The following MYLK variants were observed in gnomAD, a reference collection of about 807,000 sequenced individuals.
MYLK encodes the protein myosin light chain kinase, smooth muscle.
A neutral mutation model predicts 203.4 loss-of-function variants in MYLK; 106 were observed. The observed-to-expected ratio is 0.52, with a 90% CI of 0.45 to 0.61. The LOEUF is 0.61. MYLK is among the 20% of genes least tolerant of loss of function. MYLK has a pLI of 0.00. For missense variants in MYLK, 2,072 were observed against 2,442.3 expected (o/e 0.85, Z 3.20); for synonymous variants, 867 against 959.5 (o/e 0.90, Z 1.78).
chr3:123,667,774 C>T (rs2059789666), intron 20 of MYLK, among the ~76,000 whole-genome samples: 1 of 152,102 alleles, frequency 6.6e-6, no homozygotes, highest in East Asian at 1.9e-4. Flanking sequence ...GCTCGTGCTC[C>T]CATAGCCCTT....
intron 15 of MYLK, among the ~76,000 whole-genome samples, chr3:123,708,217 G>A (rs2061539169): frequency 6.6e-6 from 1 of 152,196 alleles, no homozygotes; most frequent in Non-Finnish European, 1.5e-5. Flanking sequence ...TAACATGACT[G>A]TATATCCAAT....
intron 5 of MYLK, among the ~76,000 whole-genome samples, chr3:123,749,799 A>C (rs550723060): frequency 2.0e-5 from 3 of 152,246 alleles, no homozygotes; most frequent in Non-Finnish European, 4.4e-5. Flanking sequence ...CCATAGTTAG[A>C]AATTAGTAGA....
intron 24 of MYLK, 55 bp from the exon 25 acceptor site, chr3:123,649,249 C>T: frequency 6.2e-7 from 1 of 1,609,114 alleles, no homozygotes. Flanking sequence ...TACTGAAGGC[C>T]CACTGAGAGC....
In MYLK at chr3:123,733,954, G is replaced by T; in HGVS notation, c.1042C>A (p.Gln348Lys). 6.2e-7 allele frequency: 1 copy of T among 1,614,196 alleles called. No individual in the cohort carries two copies. The highest frequency in any genetic ancestry group is 8.5e-7 in the Non-Finnish European group (1 of 1,180,034). ...LQKTSSSITL[Q>K]AARVQPEPRA... ...GGTTCCGGCTGAACTCTTGCGGCCT[G>T]CAGGGTGATGGAGCTGGAAGTCTTC... Residue 348 changes from glutamine to lysine, a missense_variant, in exon 10 of 34, where the codon CAG (glutamine) becomes AAG (lysine). By Grantham distance (53) the Gln-to-Lys change is moderately conservative. Transcript: ENST00000360304.
At chr3:123,759,646 A>T (rs2063471710) in intron 4 of MYLK, among the ~76,000 whole-genome samples, 1 of 152,178 alleles carries the variant, frequency 6.6e-6, no homozygotes, top group Admixed American at 6.5e-5. Flanking sequence ...TTGGTCTCAA[A>T]CAATAGGCAT....
At chr3:123,681,509 G>A (rs1034149394) in intron 20 of MYLK, 1 of 153,162 alleles carries the variant, frequency 6.5e-6, no homozygotes, top group African/African-American at 2.4e-5. Flanking sequence ...TGACACTGTG[G>A]GAGCTGAGGT....
intron 28 of MYLK, 85 bp from the exon 29 acceptor site, chr3:123,638,279 C>T: frequency 6.3e-7 from 1 of 1,592,430 alleles, no homozygotes; most frequent in Non-Finnish European, 8.6e-7. Context: ...TGTGTGTTGA[C>T]CCCAACCTGG....
chr3:123,725,931 AG>A lies in MYLK; in HGVS notation c.1651+12del. 6.2e-7 allele frequency: 1 copy of A among 1,612,908 alleles called. No individual in the cohort carries two copies. Among genetic ancestry groups the A allele is most frequent in the Non-Finnish European group, 8.5e-7 (1 of 1,179,172 alleles). On this transcript the variant is annotated intron_variant, in intron 12 of 33. Transcript: ENST00000360304. ...GGGGATGGGAGCAGAGAGCTGGGGC[AG>A]GGGGAACTCACCATTCAGCAGCCAA...
chr3:123,787,763 G>C (rs546115171), intron 4 of MYLK, among the ~76,000 whole-genome samples: 1 of 152,292 alleles, frequency 6.6e-6, no homozygotes, highest in South Asian at 2.1e-4. Flanking sequence ...AAGATTGTAA[G>C]CCTAGCACCA....
At chr3:123,735,067 G>C (rs1459667907) in intron 9 of MYLK, 4 of 383,410 alleles carry the variant, frequency 1.0e-5, no homozygotes, top group Non-Finnish European at 1.5e-5. Flanking sequence ...GGCTGGATGA[G>C]TGAACAGATT....
intron 22 of MYLK, among the ~76,000 whole-genome samples, chr3:123,664,577 G>A (rs2059674516): frequency 6.6e-6 from 1 of 152,202 alleles, no homozygotes; most frequent in Non-Finnish European, 1.5e-5. Flanking sequence ...GGGATGATAG[G>A]AGAACACATC....
intron 3 of MYLK, among the ~76,000 whole-genome samples, chr3:123,806,757 GGTTCAA>G (rs1280162296): frequency 6.6e-6 from 1 of 151,938 alleles, no homozygotes; most frequent in African/African-American, 2.4e-5. Flanking sequence ...CCGCATCCTG[GGTTCAA>G]GTGATTCTCC....
At chr3:123,844,388 G>T (rs1367763204) in intron 2 of MYLK, among the ~76,000 whole-genome samples, 1 of 152,174 alleles carries the variant, frequency 6.6e-6, no homozygotes, top group Non-Finnish European at 1.5e-5. Context: ...GCTCTGTCTT[G>T]GCTCAGGTTC....
chr3:123,723,757 T>G (rs559834930), intron 12 of MYLK, among the ~76,000 whole-genome samples: 1 of 152,190 alleles, frequency 6.6e-6, no homozygotes, highest in African/African-American at 2.4e-5. Context: ...TCTAGTGGAA[T>G]GGGTGTGGAA....
chr3:123,731,632 C>A (rs1326668013), intron 11 of MYLK, among the ~76,000 whole-genome samples: 127 of 151,994 alleles, frequency 8.4e-4, no homozygotes, highest in Non-Finnish European at 1.9e-4. Context: ...TCCTATGTAC[C>A]CATCTCTCAA....
At chr3:123,830,303 C>T (rs999476053) in intron 3 of MYLK, among the ~76,000 whole-genome samples, 2 of 152,214 alleles carry the variant, frequency 1.3e-5, no homozygotes, top group Admixed American at 6.5e-5. Flanking sequence ...ATCTGAGCCA[C>T]ATATGCTGTG....
chr3:123,682,310 T>C lies in MYLK; in HGVS notation c.3566A>G (p.Asp1189Gly), dbSNP rs762850441. 15 of 1,594,914 alleles carry C rather than the reference T, an allele frequency of 9.4e-6. No homozygotes were observed. In the Admixed American group the frequency reaches 1.6e-4, roughly 17 times the overall value. The change falls in exon 20 of 34, where the codon GAT (aspartate) becomes GGT (glycine). Residue 1189 changes from aspartate (D) to glycine (G), a missense_variant and splice_region_variant. Asp to Gly is a moderately conservative substitution (Grantham distance 94, BLOSUM62 -1). Coordinates refer to ENST00000360304, the MANE Select transcript of MYLK (RefSeq NM_053025.4). Reference sequence around the variant, plus strand: ...CTTGGTGTTCTCACTGGCTGGAGCATCTGGAATGAAACAGGTAACAATAAA... The same window carrying C: ...CTTGGTGTTCTCACTGGCTGGAGCACCTGGAATGAAACAGGTAACAATAAA... ...AECSCQVTVD[D>G]APASENTKAP... is the part of the protein sequence containing the mutation.
chr3:123,626,311 A>G (rs984772511), intron 31 of MYLK, among the ~76,000 whole-genome samples: 2 of 152,208 alleles, frequency 1.3e-5, no homozygotes, highest in Admixed American at 6.5e-5. Flanking sequence ...CGCTTTATAG[A>G]TGAGAAAAAT....
At chr3:123,740,357 T>C (rs1018848704) in intron 5 of MYLK, among the ~76,000 whole-genome samples, 23 of 152,184 alleles carry the variant, frequency 1.5e-4, no homozygotes, top group Admixed American at 3.9e-4. Context: ...GTTGTTAGGG[T>C]AGTACGCTCT....
Sources: allele counts gnomAD v4.1 joint callset (sites outside exome capture counted in the v4.1 genomes callset), GRCh38; gene constraint gnomAD v4.1.1; transcripts MANE v1.5; gene names NCBI Gene and HGNC (gene_info 2026-07-23, HGNC 2026-07-21).